ATXN3: variants seen among roughly 807,000 people sequenced by gnomAD.
ATXN3 encodes ataxin-3.
A neutral mutation model predicts 58.2 loss-of-function variants in ATXN3; 28 were observed. The ratio of observed to expected loss-of-function variants is 0.48; its 90% CI spans 0.36 to 0.66. The LOEUF is 0.66. ATXN3 is among the 30% of genes least tolerant of loss of function. The pLI is 0.00. For missense variants in ATXN3, 321 were observed against 422.1 expected (o/e 0.76, Z 2.10); for synonymous variants, 113 against 138.5 (o/e 0.82, Z 1.29).
intron 1 of ATXN3, among the ~76,000 whole-genome samples, chr14:92,102,799 C>G (rs1326174038): frequency 6.6e-6 from 1 of 152,152 alleles, no homozygotes; most frequent in Admixed American, 6.5e-5. Flanking sequence ...CAGGATCACA[C>G]AGGTAGTAAA....
rs980377326 is a variant in ATXN3, at chr14:92,061,039, G to A, written c.*3281C>T. On this transcript the variant is annotated 3_prime_UTR_variant, in exon 11 of 11. Coordinates refer to ENST00000644486, the MANE Select transcript of ATXN3 (RefSeq NM_004993.6). ...GAGCTACCACGCCCAGCCGCCACTA[G>A]CATGATTTTAAAAATAGTATCAAAA... 1.3e-5 allele frequency: 2 copies of A among 152,114 alleles called. No homozygotes were observed. Among genetic ancestry groups the A allele is most frequent in the Non-Finnish European group, 2.9e-5 (2 of 68,018 alleles). 9.4% of individuals were successfully genotyped at this position (152,114 alleles called of 1,614,324 possible). A position where few individuals can be genotyped will look rare whatever the true frequency, so the allele number is the denominator to read the frequency against.
rs763724702 is a variant in ATXN3 at position 92,064,345 on chromosome 14, T to G, written c.1061A>C (p.Asp354Ala). ...VTMSLETVRN[D>A]LKTEGKK ...TTATTTTTTTCCTTCTGTTTTCAAA[T>G]CATTTCTGACAGTTTCTAAAGACAT... The change falls in exon 11 of 11, where the codon GAT becomes GCT. Residue 354 changes from aspartate (D) to alanine (A), a missense_variant. Around this residue, in one of 2 missense-constraint regions of ATXN3, gnomAD observed 200 missense variants for 223.2 expected, o/e 0.90. Coordinates refer to ENST00000644486, the MANE Select transcript of ATXN3 (RefSeq NM_004993.6). 1 of 1,611,764 alleles carries G rather than the reference T, an allele frequency of 6.2e-7. No individual in the cohort carries two copies. Among genetic ancestry groups the G allele is most frequent in the South Asian group, 1.1e-5 (1 of 90,834 alleles).
At chr14:92,083,524 T>C in intron 6 of ATXN3, 1 of 568,022 alleles carries the variant, frequency 1.8e-6, no homozygotes. Context: ...TAAATATGTC[T>C]GTAAAGGGCC....
upstream of ATXN3, among the ~76,000 whole-genome samples, chr14:92,050,799 C>T (rs2057445387): frequency 6.6e-6 from 1 of 152,198 alleles, no homozygotes; most frequent in Non-Finnish European, 1.5e-5. Flanking sequence ...TACAAACGTG[C>T]ACCACCACAC....
intron 10 of ATXN3, among the ~76,000 whole-genome samples, chr14:92,066,601 G>GGT (rs1566910261): frequency 9.3e-6 from 1 of 107,018 alleles, no homozygotes. Context: ...TTTTTTTCTT[G>GGT]TTTTTTTTTT....
chr14:92,099,773 A>G (rs1169718977), intron 1 of ATXN3, among the ~76,000 whole-genome samples: 1 of 152,128 alleles, frequency 6.6e-6, no homozygotes, highest in African/African-American at 2.4e-5. Context: ...AGGCTGAGAA[A>G]GGAGGATAAC....
intron 2 of ATXN3, chr14:92,047,812 T>C (rs1595424933): frequency 6.6e-6 from 1 of 152,190 alleles, no homozygotes; most frequent in East Asian, 1.9e-4. Context: ...ACAACAGTTA[T>C]AGGGGCAAAG....
intron 9 of ATXN3, among the ~76,000 whole-genome samples, chr14:92,074,122 T>C (rs1348809622): frequency 1.4e-5 from 2 of 142,964 alleles, no homozygotes; most frequent in Admixed American, 1.4e-4. Flanking sequence ...AGGTCAGGAG[T>C]TCAAGACCAG....
intron 6 of ATXN3, among the ~76,000 whole-genome samples, chr14:92,086,315 C>A (rs986698238): frequency 2.2e-5 from 3 of 136,784 alleles, no homozygotes; most frequent in Non-Finnish European, 4.7e-5. Context: ...GTAATCCCAG[C>A]ACTTTAGGGG....
chr14:92,065,168 T>A lies in ATXN3; in HGVS notation c.992-754A>T, dbSNP rs190204338. On this transcript the variant is annotated intron_variant, in intron 10 of 10. Transcript: ENST00000644486. Reference sequence around the variant, plus strand: ...AAACCACTAATATGTTCTCTATCTCTATACAGCTGTCATTTTTAGTTGAAC... The same window carrying A: ...AAACCACTAATATGTTCTCTATCTCAATACAGCTGTCATTTTTAGTTGAAC... Among the ~76,000 whole-genome samples, 171 of 152,334 alleles carry A rather than the reference T, an allele frequency of 1.1e-3. 2 individuals carry two copies. In the South Asian group the frequency reaches 0.024, roughly 21 times the overall value.
At chr14:92,080,504 T>C (rs2061264852) in intron 9 of ATXN3, 1 of 152,440 alleles carries the variant, frequency 6.6e-6, no homozygotes, top group Admixed American at 6.6e-5. Context: ...TTCATGTTAT[T>C]TGCCGTAAAT....
At position 92,097,013 on chromosome 14, in the gene ATXN3, T is replaced by C. The variant is rs2065468952; in HGVS notation, c.25-175A>G. On this transcript the variant is annotated intron_variant, in intron 1 of 10. Transcript: ENST00000644486. ...AGCTCCGCCACCCGGGTTCATGCCA[T>C]TCTCCTGCCTCAGCCTCCCGAGTAG... 3 of 543,670 alleles carry C rather than the reference T, an allele frequency of 5.5e-6. No homozygotes were observed. The Admixed American group carries it at 9.2e-5, about 17-fold the overall frequency. The allele number at this position is 543,670 out of a possible 1,614,324, so 33.7% of individuals were successfully genotyped here.
rs1464006177 is a variant in ATXN3, at chr14:92,060,590, CG to C, written c.*3729del. On this transcript the variant is annotated 3_prime_UTR_variant, in exon 11 of 11. Coordinates refer to ENST00000644486, the MANE Select transcript of ATXN3 (RefSeq NM_004993.6). ...TCATCAATATTAACTATTGAATCCT[CG>C]TAAGAATTTAAAACATCAAGATTTA... 1 of 151,698 alleles carries C rather than the reference CG, an allele frequency of 6.6e-6. No individual in the cohort carries two copies. The highest frequency in any genetic ancestry group is 1.5e-5 in the Non-Finnish European group (1 of 67,952). 9.4% of individuals were successfully genotyped at this position (151,698 alleles called of 1,614,324 possible).
chr14:92,095,099 T>TA (rs10672184), intron 3 of ATXN3, among the ~76,000 whole-genome samples: 103 of 144,932 alleles, frequency 7.1e-4, no homozygotes, highest in African/African-American at 1.5e-3. Context: ...AGCTATACAT[T>TA]AAAAAAAAAA....
At chr14:92,083,586 TG>T (rs2061856922) in intron 6 of ATXN3, 2 of 411,676 alleles carry the variant, frequency 4.9e-6, no homozygotes, top group Admixed American at 3.3e-5. Context: ...GTTGTCAGAG[TG>T]GGTAACAGCA....
At chr14:92,083,634 G>C (rs2061866295) in intron 6 of ATXN3, 1 of 333,176 alleles carries the variant, frequency 3.0e-6, no homozygotes, top group African/African-American at 2.1e-5. Context: ...TCTGATCCCA[G>C]TTCTCCCACT....
chr14:92,060,931 A>G lies in ATXN3; in HGVS notation c.*3389T>C, dbSNP rs1199698013. The G allele has an allele frequency of 6.6e-6, 1 of 151,596 alleles. No homozygotes were observed. The highest frequency in any genetic ancestry group is 2.4e-5 in the African/African-American group (1 of 41,238). 9.4% of individuals were successfully genotyped at this position (151,596 alleles called of 1,614,324 possible). A position where few individuals can be genotyped will look rare whatever the true frequency, so the allele number is the denominator to read the frequency against. ...TAGTTTTTAGTACAGATGGGGTTTC[A>G]CCATTTTGGCCAAGCTGGTCTCGAA... is the stretch of plus-strand genomic sequence containing the variant. On this transcript the variant is annotated 3_prime_UTR_variant, in exon 11 of 11. Coordinates refer to ENST00000644486, the MANE Select transcript of ATXN3 (RefSeq NM_004993.6).
chr14:92,069,467 G>A (rs564349535), intron 10 of ATXN3, among the ~76,000 whole-genome samples: 25 of 140,270 alleles, frequency 1.8e-4, no homozygotes, highest in African/African-American at 5.7e-4. Flanking sequence ...TCTGCCTCCC[G>A]GGTTCACGTG....
At chr14:92,077,785 C>G (rs1248699360) in intron 9 of ATXN3, among the ~76,000 whole-genome samples, 1 of 151,946 alleles carries the variant, frequency 6.6e-6, no homozygotes, top group East Asian at 1.9e-4. Flanking sequence ...GCTGTGATTA[C>G]AGGTGTGCAC....
Sources: allele counts gnomAD v4.1 joint callset (sites outside exome capture counted in the v4.1 genomes callset), GRCh38; gene constraint gnomAD v4.1.1; regional missense constraint gnomAD v4.1.1; transcripts MANE v1.5; gene names NCBI Gene and HGNC (gene_info 2026-07-23, HGNC 2026-07-21).